Variants in DSCAM observed in about 807,000 individuals in gnomAD.
DSCAM encodes the protein cell adhesion molecule DSCAM.
DSCAM carries 47 observed loss-of-function variants against 217.7 expected under a neutral mutation model. The ratio of observed to expected loss-of-function variants is 0.22; its 90% CI spans 0.17 to 0.28. The LOEUF (loss-of-function observed/expected upper bound fraction) is 0.28, where lower values mean the gene tolerates loss of function less well. DSCAM is among the 10% of genes least tolerant of loss of function. DSCAM has a pLI of 1.00. For missense variants in DSCAM, 2,080 were observed against 2,618.3 expected (o/e 0.79, Z 4.49); for synonymous variants, 1,056 against 1,015.3 (o/e 1.04, Z -0.76).
intron 11 of DSCAM, among the ~76,000 whole-genome samples, chr21:40,214,832 T>C (rs1186260997): frequency 2.0e-5 from 3 of 150,082 alleles, no homozygotes; most frequent in Admixed American, 6.6e-5. Context: ...GATGTAACAA[T>C]TGTAAATATA....
intron 3 of DSCAM, among the ~76,000 whole-genome samples, chr21:40,443,448 C>T (rs965885413): frequency 6.6e-6 from 1 of 152,124 alleles, no homozygotes; most frequent in African/African-American, 2.4e-5. Context: ...GTTGAAGCTG[C>T]AGATGGATTA....
intron 1 of DSCAM, among the ~76,000 whole-genome samples, chr21:40,797,991 G>T (rs1053191838): frequency 1.5e-4 from 23 of 151,522 alleles, no homozygotes; most frequent in African/African-American, 5.3e-4. Context: ...CTTTTTTTAG[G>T]TATTTAACTC....
chr21:40,123,616 A>G (rs2090058687), intron 20 of DSCAM, among the ~76,000 whole-genome samples: 1 of 152,214 alleles, frequency 6.6e-6, no homozygotes, highest in African/African-American at 2.4e-5. Context: ...GAAATAGTAA[A>G]TAACTTTTAG....
At chr21:40,579,815 T>C (rs2076889001) in intron 3 of DSCAM, among the ~76,000 whole-genome samples, 1 of 140,816 alleles carries the variant, frequency 7.1e-6, no homozygotes, top group Non-Finnish European at 1.6e-5. Context: ...TGTACTACTA[T>C]CAGACCTTCA....
At chr21:40,613,586 TA>T (rs926111150) in intron 3 of DSCAM, among the ~76,000 whole-genome samples, 341 of 151,498 alleles carry the variant, frequency 2.3e-3, no homozygotes, top group African/African-American at 7.5e-3. Context: ...GCCACTGCAT[TA>T]AAAAAAAATT....
At chr21:40,046,950 T>C (rs988821847) in intron 30 of DSCAM, among the ~76,000 whole-genome samples, 5 of 152,024 alleles carry the variant, frequency 3.3e-5, no homozygotes, top group African/African-American at 1.2e-4. Context: ...GAAAATTCCA[T>C]GGGAAAGTCG....
At chr21:40,462,637 A>G (rs1445028368) in intron 3 of DSCAM, among the ~76,000 whole-genome samples, 4 of 152,216 alleles carry the variant, frequency 2.6e-5, no homozygotes, top group African/African-American at 9.6e-5. Flanking sequence ...ACTGGTTTAG[A>G]GCAATAGTTC....
intron 11 of DSCAM, among the ~76,000 whole-genome samples, chr21:40,249,343 T>G (rs2073270931): frequency 6.6e-6 from 1 of 152,186 alleles, no homozygotes; most frequent in Non-Finnish European, 1.5e-5. Context: ...TGGTAGTGGA[T>G]AAGTCTCATG....
intron 1 of DSCAM, among the ~76,000 whole-genome samples, chr21:40,734,103 C>G (rs1476539244): frequency 1.3e-5 from 2 of 152,090 alleles, no homozygotes; most frequent in Non-Finnish European, 2.9e-5. Flanking sequence ...AGAGTAAGCC[C>G]TGTGAGGATT....
chr21:40,557,384 T>C (rs917044602), intron 3 of DSCAM, among the ~76,000 whole-genome samples: 3 of 152,116 alleles, frequency 2.0e-5, no homozygotes, highest in East Asian at 3.9e-4. Flanking sequence ...AGACGGAGTC[T>C]CACTCTGTCC....
chr21:40,700,735 C>CTTTTTT (rs775869471), intron 2 of DSCAM, among the ~76,000 whole-genome samples: 3 of 137,964 alleles, frequency 2.2e-5, no homozygotes, highest in Non-Finnish European at 3.1e-5. Context: ...TTCTTTCTTT[C>CTTTTTT]TTTTTTTTTT....
In DSCAM at chr21:40,189,162, C is replaced by G. The variant is rs751967697; in HGVS notation, c.2433G>C (p.Ala811=). The G allele has an allele frequency of 6.2e-7, 1 of 1,614,000 alleles. No homozygotes were observed. Among genetic ancestry groups the G allele is most frequent in the Admixed American group, 1.7e-5 (1 of 59,998 alleles). ...GGACTATAATGGGCTTCTCACCATGCGCCGTGCAGCTCATCTCCTTTTTCT... is the reference window on the plus strand; with the variant it reads ...GGACTATAATGGGCTTCTCACCATGGGCCGTGCAGCTCATCTCCTTTTTCT... ...QGQKKEMSCT[A]HGEKPIIVRW... Residue 811 remains alanine (A), a synonymous_variant, in exon 12 of 33, where the codon GCG becomes GCC. Coordinates refer to ENST00000400454, the MANE Select transcript of DSCAM (RefSeq NM_001389.5).
chr21:40,594,462 A>C (rs1048370172), intron 3 of DSCAM, among the ~76,000 whole-genome samples: 21 of 152,210 alleles, frequency 1.4e-4, no homozygotes, highest in African/African-American at 4.8e-4. Context: ...TATTCTTTGA[A>C]TCTCACTCTT....
chr21:40,674,846 TG>T, intron 3 of DSCAM, among the ~76,000 whole-genome samples: 1 of 152,204 alleles, frequency 6.6e-6, no homozygotes, highest in East Asian at 1.9e-4. Context: ...TTAGCCAGGA[TG>T]GTCTTGACCT....
intron 24 of DSCAM, among the ~76,000 whole-genome samples, chr21:40,080,926 C>T (rs906766685): frequency 2.6e-5 from 4 of 152,210 alleles, no homozygotes; most frequent in Admixed American, 2.6e-4. Context: ...ATGAGCACTA[C>T]CTCTACTTTT....
chr21:40,815,107 G>T (rs548727598), intron 1 of DSCAM, among the ~76,000 whole-genome samples: 2 of 152,278 alleles, frequency 1.3e-5, no homozygotes, highest in African/African-American at 4.8e-5. Flanking sequence ...GGTAGGGGCT[G>T]AATGGAGAGG....
chr21:40,344,648 T>G (rs983589017), intron 6 of DSCAM, among the ~76,000 whole-genome samples: 1 of 152,200 alleles, frequency 6.6e-6, no homozygotes, highest in Non-Finnish European at 1.5e-5. Flanking sequence ...CATTTGTTAT[T>G]GATGTCCTCA....
At chr21:40,117,715 T>A (rs565017989) in intron 20 of DSCAM, among the ~76,000 whole-genome samples, 37 of 152,294 alleles carry the variant, frequency 2.4e-4, no homozygotes, top group Non-Finnish European at 4.6e-4. Context: ...AAATGTAAGT[T>A]TGTGGTGTGC....
intron 3 of DSCAM, among the ~76,000 whole-genome samples, chr21:40,371,658 C>T (rs952857791): frequency 5.3e-5 from 8 of 151,854 alleles, no homozygotes; most frequent in African/African-American, 9.7e-5. Context: ...ACATTTTTTT[C>T]GTTTACCCAC....
Sources: gnomAD v4.1 joint callset for allele counts (sites outside exome capture counted in the v4.1 genomes callset) on GRCh38, gnomAD v4.1.1 for gene constraint, MANE v1.5 for transcripts, NCBI Gene and HGNC (gene_info 2026-07-23, HGNC 2026-07-21) for gene names.